Variants in CDKL5 observed in about 807,000 individuals in gnomAD.
The protein encoded by CDKL5 is cyclin-dependent kinase-like 5.
A neutral mutation model predicts 61.7 loss-of-function variants in CDKL5; 8 were observed. The observed-to-expected ratio is 0.13, with a 90% CI of 0.08 to 0.23. The LOEUF (loss-of-function observed/expected upper bound fraction) is 0.23. CDKL5 is among the 10% of genes least tolerant of loss of function. The pLI is 1.00. For synonymous variants in CDKL5, 275 were observed against 272.3 expected (o/e 1.01, Z -0.10); for missense variants, 440 against 734.5 (o/e 0.60, Z 4.63).
chrX:18,496,676 A>T (rs1223915115), intron 1 of CDKL5, among the ~76,000 whole-genome samples: 1 of 111,963 alleles, frequency 8.9e-6, no homozygotes, highest in African/African-American at 3.2e-5. Flanking sequence ...GCTATTTGTC[A>T]TGTGATGCTA....
At chrX:18,427,016 T>A (rs1220582699) in intron 1 of CDKL5, 2 of 112,133 alleles carry the variant, frequency 1.8e-5, no homozygotes, top group East Asian at 5.6e-4. Context: ...TACTTGTTCC[T>A]GTATGTTAGT....
rs1927240688 is a variant in CDKL5 at position 18,631,677 on chromosome X, A to G, written c.*2920A>G. 2.1e-5 allele frequency: 16 copies of G among 752,786 alleles called. No homozygotes were observed. The highest frequency in any genetic ancestry group is 2.5e-5 in the Non-Finnish European group (16 of 637,519). 62.0% of individuals were successfully genotyped at this position (752,786 alleles called of 1,213,427 possible). ...AAGCTTATGTTACTTTTATGAAAGT[A>G]TCACTGATCTCCTTTGGAAAAGAAA... is the stretch of plus-strand genomic sequence containing the variant. On this transcript the variant is annotated 3_prime_UTR_variant, in exon 18 of 18. Transcript: ENST00000623535.
chrX:18,644,535 CT>C (rs61752155), downstream of CDKL5: 4 of 1,209,739 alleles, frequency 3.3e-6, no homozygotes, highest in Non-Finnish European at 2.2e-6. Context: ...CACAGCGCCC[CT>C]GGGTGAGGAT....
At chrX:18,589,536 A>G (rs1925758589) in intron 9 of CDKL5, 1 of 111,435 alleles carries the variant, frequency 9.0e-6, no homozygotes, top group Non-Finnish European at 1.9e-5. Flanking sequence ...AATCCAGTCT[A>G]TCATTGATGG....
chrX:18,651,160 T>C (rs1345971978), intron 21 of CDKL5, among the ~76,000 whole-genome samples: 1 of 72,026 alleles, frequency 1.4e-5, no homozygotes, highest in Non-Finnish European at 2.4e-5. Context: ...CTCCAGAGAA[T>C]GAGGCCAGCT....
chrX:18,482,663 A>G (rs1275556211), intron 1 of CDKL5, among the ~76,000 whole-genome samples: 3 of 108,061 alleles, frequency 2.8e-5, no homozygotes, highest in Non-Finnish European at 5.7e-5. Context: ...ATGTTCTTCA[A>G]TTTGTCAGTT....
chrX:18,486,694 A>G lies in CDKL5; in HGVS notation c.-162-20241A>G, dbSNP rs147559285. The stretch of plus-strand genomic sequence containing the variant: ...TGAATATGTACTATGATTATCATGT[A>G]TTGTGACTCGCATAAAGAGTAGCAA... On this transcript the variant is annotated intron_variant, in intron 1 of 17. Coordinates refer to ENST00000623535, the MANE Select transcript of CDKL5 (RefSeq NM_001323289.2). Among the ~76,000 whole-genome samples, 503 of 112,105 alleles carry G rather than the reference A, an allele frequency of 4.5e-3. 4 individuals carry two copies. Among genetic ancestry groups the G allele is most frequent in the African/African-American group, 0.015 (455 of 30,907 alleles).
intron 15 of CDKL5, among the ~76,000 whole-genome samples, chrX:18,614,108 T>C (rs1402573079): frequency 4.5e-5 from 5 of 111,307 alleles, no homozygotes; most frequent in Non-Finnish European, 7.5e-5. Context: ...ACAAGACCAG[T>C]CTGTCAGAGA....
intron 1 of CDKL5, among the ~76,000 whole-genome samples, chrX:18,484,379 G>A (rs981251878): frequency 2.3e-4 from 25 of 110,124 alleles, no homozygotes; most frequent in Admixed American, 1.9e-4. Context: ...CAGTGGTGGC[G>A]CGATCTCGGC....
chrX:18,537,077 A>C (rs896015343), intron 3 of CDKL5, among the ~76,000 whole-genome samples: 7 of 109,874 alleles, frequency 6.4e-5, no homozygotes, highest in African/African-American at 2.3e-4. Flanking sequence ...AGACACAGAC[A>C]ACTTAAACAT....
chrX:18,443,680 C>T (rs1368671628), intron 1 of CDKL5: 1 of 111,960 alleles, frequency 8.9e-6, no homozygotes, highest in African/African-American at 3.2e-5. Flanking sequence ...GTATTAAGCC[C>T]AGTACCCAAT....
chrX:18,568,817 C>A (rs765050440), intron 4 of CDKL5, among the ~76,000 whole-genome samples: 2 of 110,276 alleles, frequency 1.8e-5, no homozygotes, highest in African/African-American at 6.6e-5. Context: ...TCTCAGCCTC[C>A]CAAAGTAGCT....
At position 18,636,274 on chromosome X, in the gene CDKL5, G is replaced by A. The variant is rs772652362; in HGVS notation, c.*7517G>A. 7 of 109,927 alleles carry A rather than the reference G, an allele frequency of 6.4e-5. No homozygotes were observed. The highest frequency in any genetic ancestry group is 9.5e-5 in the Non-Finnish European group (5 of 52,802). The allele number at this position is 109,927 out of a possible 1,213,427, so 9.1% of individuals were successfully genotyped here. On this transcript the variant is annotated 3_prime_UTR_variant, in exon 18 of 18. Coordinates refer to ENST00000623535, the MANE Select transcript of CDKL5 (RefSeq NM_001323289.2). Reference sequence around the variant, plus strand: ...CCAAGACTGAATGAAAGTATTTGGTGCTTATACTTTTTAATGTTCATAGCA... The same window carrying A: ...CCAAGACTGAATGAAAGTATTTGGTACTTATACTTTTTAATGTTCATAGCA...
intron 3 of CDKL5, among the ~76,000 whole-genome samples, chrX:18,528,449 T>C (rs1923525650): frequency 9.1e-6 from 1 of 110,450 alleles, no homozygotes; most frequent in South Asian, 3.9e-4. Flanking sequence ...TGCTATTCTT[T>C]ATCCCAATGA....
In CDKL5 at chrX:18,633,292, A is replaced by G. The variant is rs189582186; in HGVS notation, c.*4535A>G. 51 of 752,519 alleles carry G rather than the reference A, an allele frequency of 6.8e-5. No individual in the cohort carries two copies. The African/African-American group carries it at 1.1e-3, about 17-fold the overall frequency. The allele number at this position is 752,519 out of a possible 1,213,427, so 62.0% of individuals were successfully genotyped here. On this transcript the variant is annotated 3_prime_UTR_variant, in exon 18 of 18. Coordinates refer to ENST00000623535, the MANE Select transcript of CDKL5 (RefSeq NM_001323289.2). ...AATATTTCCTTGCCTCCTTCAGTTC[A>G]TCACTAAGAAAGTGTGTAGGCAGAG...
At chrX:18,477,144 C>T (rs1046381260) in intron 1 of CDKL5, among the ~76,000 whole-genome samples, 6 of 110,665 alleles carry the variant, frequency 5.4e-5, no homozygotes, top group Non-Finnish European at 1.1e-4. Flanking sequence ...GAGGCTGGAG[C>T]ACAGTGTTGT....
chrX:18,648,673 A>G (rs1163400868), intron 20 of CDKL5, among the ~76,000 whole-genome samples: 3 of 112,283 alleles, frequency 2.7e-5, no homozygotes, highest in African/African-American at 9.7e-5. Flanking sequence ...CCAGTGAGAC[A>G]TAAAGACTGC....
At chrX:18,615,633 G>A (rs1374422010) in intron 15 of CDKL5, among the ~76,000 whole-genome samples, 1 of 111,444 alleles carries the variant, frequency 9.0e-6, no homozygotes, top group East Asian at 2.8e-4. Flanking sequence ...GCTCAGGCTG[G>A]ACTCCAGCTC....
intron 3 of CDKL5, among the ~76,000 whole-genome samples, chrX:18,550,437 C>A (rs1015443930): frequency 8.0e-5 from 9 of 111,865 alleles, no homozygotes. Context: ...AGGGACTGCA[C>A]TACCATATAA....
Sources: gnomAD v4.1 joint callset for allele counts (sites outside exome capture counted in the v4.1 genomes callset) on GRCh38, gnomAD v4.1.1 for gene constraint, MANE v1.5 for transcripts, NCBI Gene and HGNC (gene_info 2026-07-23, HGNC 2026-07-21) for gene names.